The following PCDH15 variants were observed in gnomAD, a reference collection of about 807,000 sequenced individuals.
The protein encoded by PCDH15 is protocadherin-15.
A neutral mutation model predicts 178.5 loss-of-function variants in PCDH15; 129 were observed. That is an observed-to-expected ratio of 0.72 (90% CI 0.63 to 0.84). The LOEUF (loss-of-function observed/expected upper bound fraction) is 0.84. PCDH15 is among the 40% of genes least tolerant of loss of function. PCDH15 has a pLI of 0.00. For synonymous variants in PCDH15, 800 were observed against 732.0 expected, an observed-to-expected ratio of 1.09 and a Z score of -1.50; for missense variants, 2,230 against 2,099.9, an observed-to-expected ratio of 1.06 and a Z score of -1.21.
chr10:54,788,429 G>A (rs1445718726), intron 1 of PCDH15, among the ~76,000 whole-genome samples: 1 of 151,876 alleles, frequency 6.6e-6, no homozygotes. Context: ...ATTTGGAGAT[G>A]TCAGAGATAC....
intron 1 of PCDH15, among the ~76,000 whole-genome samples, chr10:54,669,043 C>A (rs544550576): frequency 6.6e-6 from 1 of 152,250 alleles, no homozygotes; most frequent in Non-Finnish European, 1.5e-5. Context: ...CCCTTCAAAG[C>A]AACCTCAGCT....
At chr10:54,763,593 T>G (rs2133173029) in intron 1 of PCDH15, among the ~76,000 whole-genome samples, 1 of 152,098 alleles carries the variant, frequency 6.6e-6, no homozygotes, top group South Asian at 2.1e-4. Flanking sequence ...TATGTCAATA[T>G]AGCTAAAAGA....
intron 3 of PCDH15, among the ~76,000 whole-genome samples, chr10:54,476,080 T>C (rs2078253823): frequency 6.6e-6 from 1 of 151,140 alleles, no homozygotes; most frequent in African/African-American, 2.4e-5. Context: ...TTCCAGGACC[T>C]ATGCTACAAG....
At chr10:53,885,081 A>G (rs2080995678) in intron 26 of PCDH15, among the ~76,000 whole-genome samples, 1 of 152,168 alleles carries the variant, frequency 6.6e-6, no homozygotes, top group Non-Finnish European at 1.5e-5. Context: ...AGAACTTTCT[A>G]TCAATACATT....
intron 26 of PCDH15, among the ~76,000 whole-genome samples, chr10:53,898,329 A>T (rs2082107987): frequency 6.6e-6 from 1 of 152,154 alleles, no homozygotes; most frequent in Non-Finnish European, 1.5e-5. Flanking sequence ...ATGGGTGTAC[A>T]AATACATGAT....
At chr10:55,395,460 G>A (rs545257653) in intron 2 of PCDH15, among the ~76,000 whole-genome samples, 6 of 152,040 alleles carry the variant, frequency 3.9e-5, no homozygotes, top group African/African-American at 1.2e-4. Flanking sequence ...GAAATGTGCT[G>A]AAATACATTG....
chr10:55,208,612 T>C (rs1840472442), intron 1 of PCDH15, among the ~76,000 whole-genome samples: 2 of 152,066 alleles, frequency 1.3e-5, no homozygotes, highest in Non-Finnish European at 2.9e-5. Context: ...CTCACTTATA[T>C]AGATGTAGGA....
At chr10:55,574,968 T>C (rs1367574341) in intron 2 of PCDH15, among the ~76,000 whole-genome samples, 2 of 152,086 alleles carry the variant, frequency 1.3e-5, no homozygotes, top group African/African-American at 4.8e-5. Context: ...GTTATCTCTA[T>C]ATATACTTTC....
At chr10:55,044,229 G>A (rs1309252657) in intron 2 of PCDH15, among the ~76,000 whole-genome samples, 1 of 152,066 alleles carries the variant, frequency 6.6e-6, no homozygotes, top group Non-Finnish European at 1.5e-5. Flanking sequence ...TAGAAATACT[G>A]CACCATAGTC....
intron 14 of PCDH15, 128 bp downstream of exon 14, chr10:54,152,972 G>C: frequency 8.8e-7 from 1 of 1,130,248 alleles, no homozygotes; most frequent in Non-Finnish European, 1.3e-6. Context: ...TGAGAATCTG[G>C]TCTCTCTGAT....
Position 53,807,005 on chromosome 10 carries a change from G to GAT in PCDH15, c.4795_4796dup (p.Asn1600SerfsTer14). The GAT allele has an allele frequency of 1.2e-6, 2 of 1,613,702 alleles. No individual in the cohort carries two copies. Among genetic ancestry groups the GAT allele is most frequent in the Non-Finnish European group, 1.7e-6 (2 of 1,179,780 alleles). The stretch of plus-strand genomic sequence containing the variant: ...TCTGTGCAATATATATATTGCCGTT[G>GAT]ATATTACTGTGGATACTAGGATGGT... On this transcript the variant is annotated frameshift_variant, in exon 38 of 38. Coordinates refer to ENST00000644397, the MANE Select transcript of PCDH15 (RefSeq NM_001384140.1). LOFTEE classifies it high-confidence loss of function.
intron 1 of PCDH15, among the ~76,000 whole-genome samples, chr10:55,289,126 A>C (rs1206879896): frequency 6.6e-6 from 1 of 152,060 alleles, no homozygotes; most frequent in Admixed American, 6.6e-5. Context: ...ACTAAAGTCT[A>C]TCATTGTATT....
intron 1 of PCDH15, among the ~76,000 whole-genome samples, chr10:54,797,066 C>A (rs2133650311): frequency 6.6e-6 from 1 of 152,072 alleles, no homozygotes; most frequent in African/African-American, 2.4e-5. Flanking sequence ...CACTTCATTG[C>A]ACACACCGCT....
intron 3 of PCDH15, among the ~76,000 whole-genome samples, chr10:54,833,806 G>A (rs1178340728): frequency 1.3e-5 from 2 of 152,174 alleles, no homozygotes; most frequent in African/African-American, 2.4e-5. Context: ...TAATTAGAGT[G>A]AATGCTAGTC....
chr10:55,368,397 A>G (rs1476604028), intron 2 of PCDH15, among the ~76,000 whole-genome samples: 1 of 152,136 alleles, frequency 6.6e-6, no homozygotes, highest in Non-Finnish European at 1.5e-5. Flanking sequence ...AAATAACCAC[A>G]TATAAAGACC....
intron 2 of PCDH15, among the ~76,000 whole-genome samples, chr10:54,528,177 AC>A (rs1770869784): frequency 6.6e-6 from 1 of 152,030 alleles, no homozygotes; most frequent in African/African-American, 2.4e-5. Flanking sequence ...TGGAAATTTA[AC>A]CCAAAGAAAT....
intron 8 of PCDH15, among the ~76,000 whole-genome samples, chr10:54,253,010 G>C (rs2056615551): frequency 6.6e-6 from 1 of 151,938 alleles, no homozygotes; most frequent in Admixed American, 6.6e-5. Context: ...CCAAGGTATT[G>C]ATTGAATTAT....
At chr10:53,810,430 A>C in intron 37 of PCDH15, 126 bp downstream of exon 37, 1 of 779,610 alleles carries the variant, frequency 1.3e-6, no homozygotes, top group Non-Finnish European at 2.1e-6. Flanking sequence ...TGAAATTTCT[A>C]TGGGAAATAC....
chr10:55,476,544 A>G (rs886250217), intron 2 of PCDH15, among the ~76,000 whole-genome samples: 3 of 152,056 alleles, frequency 2.0e-5, no homozygotes, highest in Non-Finnish European at 4.4e-5. Flanking sequence ...CCATGCATAT[A>G]AAATATAATC....
Sources: gnomAD v4.1 joint callset for allele counts (sites outside exome capture counted in the v4.1 genomes callset) on GRCh38, gnomAD v4.1.1 for gene constraint, MANE v1.5 for transcripts, NCBI Gene and HGNC (gene_info 2026-07-23, HGNC 2026-07-21) for gene names.